Variants in TASP1 observed in about 807,000 individuals in gnomAD.
TASP1 encodes taspase 1.
Under a neutral mutation model 56.6 loss-of-function variants are expected in TASP1, and 16 were observed. The observed-to-expected ratio is 0.28, with a 90% CI of 0.19 to 0.43. The LOEUF (loss-of-function observed/expected upper bound fraction) is 0.43, where lower values mean the gene tolerates loss of function less well. TASP1 is among the 20% of genes least tolerant of loss of function. The pLI is 1.00. For synonymous variants in TASP1, 179 were observed against 184.2 expected, an observed-to-expected ratio of 0.97 and a Z score of 0.23; for missense variants, 393 against 511.6, an observed-to-expected ratio of 0.77 and a Z score of 2.24.
At chr20:13,250,156 A>C in the TASP1 span, among the ~76,000 whole-genome samples, 10 of 152,192 alleles carry the variant, frequency 6.6e-5, no homozygotes, top group African/African-American at 2.4e-4. Context: ...CATGCCATGA[A>C]ACGACCACGT....
the TASP1 span, among the ~76,000 whole-genome samples, chr20:13,274,371 G>A: frequency 1.3e-5 from 2 of 152,086 alleles, no homozygotes; most frequent in Non-Finnish European, 2.9e-5. Context: ...CCTCTCCCTG[G>A]GTAGCAGAGT....
At chr20:13,169,238 G>A in the TASP1 span, 1 of 152,238 alleles carries the variant, frequency 6.6e-6, no homozygotes, top group South Asian at 2.1e-4. Context: ...AACTAATTGT[G>A]CACATTTCTT....
intron 10 of TASP1, among the ~76,000 whole-genome samples, chr20:13,522,861 C>A (rs2044818452): frequency 6.6e-6 from 1 of 152,026 alleles, no homozygotes; most frequent in Non-Finnish European, 1.5e-5. Flanking sequence ...ACAAAGGAGA[C>A]TAAGAAGGAG....
At chr20:13,284,207 G>A in the TASP1 span, among the ~76,000 whole-genome samples, 4 of 152,216 alleles carry the variant, frequency 2.6e-5, no homozygotes, top group Non-Finnish European at 5.9e-5. Context: ...GATTAGTGGT[G>A]CAGGTTTACT....
chr20:13,448,938 C>T (rs1005576123), intron 11 of TASP1, among the ~76,000 whole-genome samples: 86 of 151,936 alleles, frequency 5.7e-4, no homozygotes, highest in African/African-American at 1.8e-3. Context: ...AAGTTGTCTT[C>T]GAGTGAGGTA....
At chr20:13,228,793 T>A in the TASP1 span, among the ~76,000 whole-genome samples, 41 of 152,238 alleles carry the variant, frequency 2.7e-4, no homozygotes, top group Admixed American at 5.2e-4. Flanking sequence ...ACATTGAGAT[T>A]TCAAGATCTA....
chr20:13,183,471 C>T, the TASP1 span, among the ~76,000 whole-genome samples: 33 of 152,200 alleles, frequency 2.2e-4, no homozygotes, highest in Admixed American at 1.1e-3. Context: ...TCAAAATTTG[C>T]ATTTACAAAG....
chr20:13,543,148 C>G (rs2045686298), intron 8 of TASP1, among the ~76,000 whole-genome samples: 1 of 152,204 alleles, frequency 6.6e-6, no homozygotes, highest in Non-Finnish European at 1.5e-5. Flanking sequence ...CTAGCCTCAT[C>G]TCTCTCAAGT....
chr20:13,515,548 TAA>T (rs34077486), intron 10 of TASP1, among the ~76,000 whole-genome samples: 43,256 of 122,978 alleles, frequency 0.35, 6,944 homozygotes, highest in Middle Eastern at 0.4. Context: ...TTCATACACT[TAA>T]AAAAAAAAAA....
At chr20:13,299,522 C>G in the TASP1 span, 1 of 1,468,426 alleles carries the variant, frequency 6.8e-7, no homozygotes, top group South Asian at 1.3e-5. The surrounding 1 kb of genome is among the most constrained non-coding windows in gnomAD (Gnocchi z 5.8). Flanking sequence ...GCTGCACTGA[C>G]GTGCCGACTG....
the TASP1 span, among the ~76,000 whole-genome samples, chr20:13,321,103 G>A: frequency 6.6e-6 from 1 of 151,806 alleles, no homozygotes; most frequent in Admixed American, 6.6e-5. Context: ...GGAGGCTGAG[G>A]CATGAGAATC....
intron 11 of TASP1, among the ~76,000 whole-genome samples, chr20:13,451,879 T>C (rs1480425686): frequency 1.3e-5 from 2 of 152,136 alleles, no homozygotes; most frequent in Non-Finnish European, 2.9e-5. Context: ...AGCTTTTGAC[T>C]TAAAGTGAGA....
the TASP1 span, among the ~76,000 whole-genome samples, chr20:13,137,703 C>G: frequency 1.2e-3 from 184 of 152,252 alleles, no homozygotes; most frequent in Middle Eastern, 0.014. Flanking sequence ...GATAAGTAAA[C>G]AGCTGTTGCT....
At chr20:13,252,034 A>T in the TASP1 span, among the ~76,000 whole-genome samples, 2 of 152,194 alleles carry the variant, frequency 1.3e-5, no homozygotes, top group Non-Finnish European at 2.9e-5. Context: ...TGGTTGCTAC[A>T]TGAGCTTTCC....
At chr20:13,444,359 T>C (rs1336676416) in intron 11 of TASP1, among the ~76,000 whole-genome samples, 3 of 152,184 alleles carry the variant, frequency 2.0e-5, no homozygotes, top group Non-Finnish European at 4.4e-5. Flanking sequence ...TGTGCATTGC[T>C]TTTTTCTTTT....
chr20:13,319,297 C>A, the TASP1 span, among the ~76,000 whole-genome samples: 9 of 152,132 alleles, frequency 5.9e-5, no homozygotes, highest in Non-Finnish European at 1.0e-4. Context: ...CTGGCTCCTG[C>A]TGCATGAACT....
At chr20:13,260,236 A>G in the TASP1 span, among the ~76,000 whole-genome samples, 1 of 152,190 alleles carries the variant, frequency 6.6e-6, no homozygotes, top group Non-Finnish European at 1.5e-5. Context: ...TAATTGTTTT[A>G]CAGTGTCGGG....
At chr20:13,310,488 A>G in the TASP1 span, among the ~76,000 whole-genome samples, 1 of 152,154 alleles carries the variant, frequency 6.6e-6, no homozygotes, top group Non-Finnish European at 1.5e-5. Context: ...GGAAACAGGA[A>G]AAAAAATGTA....
Position 13,624,918 on chromosome 20 carries a change from G to A in TASP1, c.213+267C>T, listed in dbSNP as rs540641920. On this transcript the variant is annotated intron_variant, in intron 3 of 13. Transcript: ENST00000337743. ...CTTCTGTCTACAGAAGTTCAACATC[G>A]TTGCAAAGATTAAAAGAGATATGAT... Among the ~76,000 whole-genome samples, 7 of 151,992 alleles carry A rather than the reference G, an allele frequency of 4.6e-5. No homozygotes were observed. In the South Asian group the frequency reaches 6.3e-4, roughly 14 times the overall value.
Sources: allele counts gnomAD v4.1 joint callset (sites outside exome capture counted in the v4.1 genomes callset), GRCh38; gene constraint gnomAD v4.1.1; non-coding constraint Gnocchi (gnomAD v3.1); transcripts MANE v1.5; gene names NCBI Gene and HGNC (gene_info 2026-07-23, HGNC 2026-07-21).